TMEM233: variants seen among roughly 807,000 people sequenced by gnomAD.
TMEM233 encodes the protein dispanin subfamily B member 2.
TMEM233 carries 6 observed loss-of-function variants against 11.2 expected under a neutral mutation model. The observed-to-expected ratio is 0.54, with a 90% CI of 0.29 to 1.06. The LOEUF is 1.06. Among genes scored for constraint, TMEM233 ranks in the 50% least tolerant of loss-of-function variants. The probability of loss-of-function intolerance (pLI) is 0.08; values close to 1 mark genes in which losing one functional copy is unlikely to be tolerated. For missense variants in TMEM233, 127 were observed against 144.7 expected (o/e 0.88, Z 0.63); for synonymous variants, 59 against 55.8 (o/e 1.06, Z -0.26).
At chr12:119,634,325 C>T (rs1954935534) in intron 2 of TMEM233, 2 of 968,904 alleles carry the variant, frequency 2.1e-6, no homozygotes, top group Non-Finnish European at 2.5e-6. Flanking sequence ...AAAATGCTGT[C>T]TCGGGGCTGG....
intron 1 of TMEM233, among the ~76,000 whole-genome samples, chr12:119,613,798 G>T (rs564697860): frequency 6.6e-6 from 1 of 152,136 alleles, no homozygotes; most frequent in African/African-American, 2.4e-5. Context: ...GTAAAACCTT[G>T]TCTCAAAAAA....
chr12:119,623,199 G>A lies in TMEM233; in HGVS notation c.187-6537G>A, dbSNP rs115839415. On this transcript the variant is annotated intron_variant, in intron 1 of 2. Transcript: ENST00000426426. The stretch of plus-strand genomic sequence containing the variant: ...TTTTGGTCACTGCTACTGAGAACAC[G>A]AAACTGTTTTTTCATCCAAACAGCC... Among the ~76,000 whole-genome samples, 481 of 152,258 alleles carry A rather than the reference G, an allele frequency of 3.2e-3. 1 individual carries two copies. The highest frequency in any genetic ancestry group is 0.011 in the African/African-American group (461 of 41,550).
At chr12:119,615,627 C>T (rs1954511991) in intron 1 of TMEM233, among the ~76,000 whole-genome samples, 3 of 152,148 alleles carry the variant, frequency 2.0e-5, no homozygotes, top group African/African-American at 7.2e-5. Flanking sequence ...GTTTCATCTC[C>T]GGTCTTCACT....
At chr12:119,603,360 A>G (rs1297012931) in intron 1 of TMEM233, among the ~76,000 whole-genome samples, 1 of 152,238 alleles carries the variant, frequency 6.6e-6, no homozygotes, top group Non-Finnish European at 1.5e-5. Context: ...CAGATAAGAT[A>G]ACAAGACAGC....
chr12:119,599,585 A>C (rs560564318), intron 1 of TMEM233, among the ~76,000 whole-genome samples: 12 of 152,214 alleles, frequency 7.9e-5, no homozygotes, highest in Non-Finnish European at 1.6e-4. Flanking sequence ...GATGACACTG[A>C]AATCTAAATC....
intron 1 of TMEM233, among the ~76,000 whole-genome samples, chr12:119,619,437 T>A (rs958002386): frequency 7.9e-5 from 12 of 152,182 alleles, no homozygotes; most frequent in African/African-American, 2.2e-4. Context: ...GCTCTGAAGT[T>A]CAAGACCAGC....
Position 119,615,173 on chromosome 12 carries a change from TAAAAAAAAAAAAAAAAAA to T in TMEM233, c.187-14547_187-14530del, listed in dbSNP as rs60318959. Reference sequence around the variant, plus strand: ...AGGTCTCAGTCTACCCGCTTTCTGCTAAAAAAAAAAAAAAAAAAAAAAAAAAAAAAAAACTGCCTCCTC... The same window carrying T: ...AGGTCTCAGTCTACCCGCTTTCTGCTAAAAAAAAAAAAAAACTGCCTCCTC... On this transcript the variant is annotated intron_variant, in intron 1 of 2. Coordinates refer to ENST00000426426, the MANE Select transcript of TMEM233 (RefSeq NM_001136534.3). Among the ~76,000 whole-genome samples, 9 of 56,198 alleles carry T rather than the reference TAAAAAAAAAAAAAAAAAA, an allele frequency of 1.6e-4. No individual in the cohort carries two copies. In the East Asian group the frequency reaches 3.0e-3, roughly 19 times the overall value. 36.9% of individuals were successfully genotyped at this position (56,198 alleles called of 152,430 possible).
intron 1 of TMEM233, among the ~76,000 whole-genome samples, chr12:119,600,395 A>AC (rs1954138142): frequency 1.3e-5 from 2 of 151,716 alleles, no homozygotes; most frequent in Admixed American, 1.3e-4. Flanking sequence ...ATTAAAAAAA[A>AC]AAAAAACAGC....
intron 1 of TMEM233, among the ~76,000 whole-genome samples, chr12:119,598,604 C>T (rs1199994204): frequency 6.6e-6 from 1 of 152,182 alleles, no homozygotes; most frequent in Non-Finnish European, 1.5e-5. Context: ...CCACAGATAG[C>T]TCCCACATTT....
chr12:119,609,704 C>T (rs1299039460), intron 1 of TMEM233, among the ~76,000 whole-genome samples: 3 of 152,238 alleles, frequency 2.0e-5, no homozygotes, highest in Non-Finnish European at 2.9e-5. Context: ...GCTCCCACAT[C>T]GTGCTGGGTC....
chr12:119,620,290 G>GTC (rs1954614603), intron 1 of TMEM233, among the ~76,000 whole-genome samples: 1 of 152,174 alleles, frequency 6.6e-6, no homozygotes. Flanking sequence ...TGATGTCAGG[G>GTC]AAAGAGCACT....
chr12:119,646,248 G>A (rs1168236530), downstream of TMEM233, among the ~76,000 whole-genome samples: 2 of 152,012 alleles, frequency 1.3e-5, no homozygotes, highest in Admixed American at 6.6e-5. Flanking sequence ...TAGTAGAGAC[G>A]GAGTTTTGCC....
chr12:119,599,512 A>T (rs1269527833), intron 1 of TMEM233, among the ~76,000 whole-genome samples: 1 of 152,254 alleles, frequency 6.6e-6, no homozygotes, highest in Non-Finnish European at 1.5e-5. Context: ...AAGAAATGAG[A>T]TGGTGACAAA....
intron 1 of TMEM233, among the ~76,000 whole-genome samples, chr12:119,596,871 C>G (rs1291009511): frequency 6.6e-6 from 1 of 152,186 alleles, no homozygotes; most frequent in Admixed American, 6.5e-5. Context: ...TTGAGCAAAA[C>G]TGTTGTAAGG....
At chr12:119,608,472 A>C (rs1954329362) in intron 1 of TMEM233, among the ~76,000 whole-genome samples, 1 of 152,250 alleles carries the variant, frequency 6.6e-6, no homozygotes, top group Non-Finnish European at 1.5e-5. Flanking sequence ...TTCAATGAGA[A>C]GGAAAATGAA....
intron 1 of TMEM233, among the ~76,000 whole-genome samples, chr12:119,601,180 A>G (rs1954156595): frequency 6.6e-6 from 1 of 152,192 alleles, no homozygotes; most frequent in African/African-American, 2.4e-5. Context: ...GATTAAAAGA[A>G]TCCCCCAGTA....
downstream of TMEM233, among the ~76,000 whole-genome samples, chr12:119,645,397 G>T (rs534784477): frequency 7.1e-6 from 1 of 141,358 alleles, no homozygotes; most frequent in Non-Finnish European, 1.5e-5. Context: ...AAATACTCAC[G>T]AATATTGAAT....
chr12:119,594,346 T>C lies in TMEM233; in HGVS notation c.186+312T>C, dbSNP rs2136656612. The C allele has an allele frequency of 2.9e-6, 1 of 342,312 alleles. No individual in the cohort carries two copies. Among genetic ancestry groups the C allele is most frequent in the East Asian group, 6.2e-5 (1 of 16,212 alleles). The allele number at this position is 342,312 out of a possible 1,614,324, so 21.2% of individuals were successfully genotyped here. A position where few individuals can be genotyped will look rare whatever the true frequency, so the allele number is the denominator to read the frequency against. ...CCCGGGGAAGTTCTTCCGTGGACTTTGCTGACTCCTCTGACCTTCCTAGGC... is the reference window on the plus strand; with the variant it reads ...CCCGGGGAAGTTCTTCCGTGGACTTCGCTGACTCCTCTGACCTTCCTAGGC... On this transcript the variant is annotated intron_variant, in intron 1 of 2. Coordinates refer to ENST00000426426, the MANE Select transcript of TMEM233 (RefSeq NM_001136534.3). The surrounding 1 kb of genome is among the most constrained non-coding windows in gnomAD (Gnocchi z 5.6).
intron 1 of TMEM233, among the ~76,000 whole-genome samples, chr12:119,626,472 GAAA>G (rs750511494): frequency 4.1e-5 from 1 of 24,132 alleles, no homozygotes. Context: ...TCCGTCTCCG[GAAA>G]AAAAAAAAAA....
Sources: gnomAD v4.1 joint callset for allele counts (sites outside exome capture counted in the v4.1 genomes callset) on GRCh38, gnomAD v4.1.1 for gene constraint, Gnocchi (gnomAD v3.1) non-coding constraint, MANE v1.5 for transcripts, NCBI Gene and HGNC (gene_info 2026-07-23, HGNC 2026-07-21) for gene names.